SH3GL3: variants seen among roughly 807,000 people sequenced by gnomAD.
The protein encoded by SH3GL3 is endophilin-A3.
In SH3GL3, 33 loss-of-function variants were observed where a neutral mutation model predicts 47.7. The observed-to-expected ratio is 0.69, with a 90% confidence interval of 0.52 to 0.92. SH3GL3 has a LOEUF of 0.92. Ranked by LOEUF, SH3GL3 falls within the 40% of genes least tolerant of loss-of-function variation. The pLI, the probability that SH3GL3 is intolerant of heterozygous loss-of-function variation, is 0.00. For synonymous variants in SH3GL3, 155 were observed against 148.8 expected, an observed-to-expected ratio of 1.04 and a Z score of -0.30; for missense variants, 363 against 417.8, an observed-to-expected ratio of 0.87 and a Z score of 1.14.
At chr15:83,517,877 G>A (rs1230871717) in intron 1 of SH3GL3, among the ~76,000 whole-genome samples, 2 of 152,040 alleles carry the variant, frequency 1.3e-5, no homozygotes, top group African/African-American at 2.4e-5. Flanking sequence ...TCAAAAGTCA[G>A]TTTTTCACCC....
intron 1 of SH3GL3, among the ~76,000 whole-genome samples, chr15:83,449,714 CTTTTT>C (rs11361312): frequency 7.9e-6 from 1 of 125,920 alleles, no homozygotes; most frequent in African/African-American, 2.9e-5. Flanking sequence ...CTTATTTAGT[CTTTTT>C]TTTTTTTTTT....
intron 5 of SH3GL3, among the ~76,000 whole-genome samples, chr15:83,573,513 TA>T (rs1426603333): frequency 1.3e-5 from 2 of 152,228 alleles, no homozygotes; most frequent in African/African-American, 4.8e-5. Context: ...CTGTGTTTTA[TA>T]AAGTCCTCCA....
chr15:83,565,167 A>G lies in SH3GL3; in HGVS notation c.148A>G (p.Ile50Val), dbSNP rs1413358891. 6.3e-7 allele frequency: 1 copy of G among 1,580,730 alleles called. No individual in the cohort carries two copies. Among genetic ancestry groups the G allele is most frequent in the African/African-American group, 1.3e-5 (1 of 74,302 alleles). ...TGTTACCAATAAAGTTGTTGCAGAA[A>G]TTCTTTCAAAAACCACTGAATATCT... ...IDVTNKVVAE[I>V]LSKTTEYLQP... The change falls in exon 3 of 9, where the codon ATT becomes GTT. Residue 50 changes from isoleucine (I) to valine (V), a missense_variant. Transcript: ENST00000427482.
intron 1 of SH3GL3, among the ~76,000 whole-genome samples, chr15:83,482,377 A>G (rs1010953758): frequency 6.6e-6 from 1 of 151,954 alleles, no homozygotes; most frequent in Admixed American, 6.6e-5. Context: ...TACTTTTTAT[A>G]TATTCTGTTC....
At chr15:83,483,919 A>G (rs2041482040) in intron 1 of SH3GL3, among the ~76,000 whole-genome samples, 3 of 152,332 alleles carry the variant, frequency 2.0e-5, no homozygotes, top group Middle Eastern at 6.8e-3. Context: ...TGATCTAGAT[A>G]CTTCTCAGTT....
At chr15:83,480,422 A>G (rs2041296576) in intron 1 of SH3GL3, among the ~76,000 whole-genome samples, 2 of 152,366 alleles carry the variant, frequency 1.3e-5, no homozygotes, top group Middle Eastern at 3.4e-3. Flanking sequence ...AATTTCACAG[A>G]TGAGAAAACT....
chr15:83,448,890 A>T lies in SH3GL3; in HGVS notation c.45+1312A>T, dbSNP rs185606271. On this transcript the variant is annotated intron_variant, in intron 1 of 8. Coordinates refer to ENST00000427482, the MANE Select transcript of SH3GL3 (RefSeq NM_003027.5). The surrounding 1 kb of genome is among the most constrained non-coding windows in gnomAD (Gnocchi z 4.2). ...GTTAAGGAGCCCTGGAGGAGAGGCT[A>T]TTCAGGTGAGGGTGGAGATGATGGA... Among the ~76,000 whole-genome samples, 121 of 152,230 alleles carry T rather than the reference A, an allele frequency of 7.9e-4. 1 individual carries two copies. The highest frequency in any genetic ancestry group is 2.8e-3 in the African/African-American group (116 of 41,558).
chr15:83,447,614 A>G lies in SH3GL3; in HGVS notation c.45+36A>G. 5.0e-6 allele frequency: 7 copies of G among 1,408,310 alleles called. No homozygotes were observed. Among genetic ancestry groups the G allele is most frequent in the Admixed American group, 4.8e-5 (2 of 41,432 alleles). The allele number at this position is 1,408,310 out of a possible 1,614,324, so 87.2% of individuals were successfully genotyped here. On this transcript the variant is annotated intron_variant, in intron 1 of 8. Coordinates refer to ENST00000427482, the MANE Select transcript of SH3GL3 (RefSeq NM_003027.5). The surrounding 1 kb of genome is among the most constrained non-coding windows in gnomAD (Gnocchi z 5.1). ...GCAGAGGAGGGAAGGAGGGAGGGGG[A>G]CGCGGAGGCTGCGGCCCCCCGAGGC...
intron 2 of SH3GL3, among the ~76,000 whole-genome samples, chr15:83,559,747 A>G (rs1248600990): frequency 6.6e-6 from 1 of 152,218 alleles, no homozygotes; most frequent in Non-Finnish European, 1.5e-5. Flanking sequence ...CAGGAGCTGC[A>G]TAGCAAGTAA....
the SH3GL3 span, among the ~76,000 whole-genome samples, chr15:83,631,008 C>T: frequency 1.3e-5 from 2 of 152,146 alleles, no homozygotes; most frequent in African/African-American, 4.8e-5. Context: ...TTCCTAGTAA[C>T]TAACGGGTAT....
intron 8 of SH3GL3, among the ~76,000 whole-genome samples, chr15:83,597,544 C>T (rs1356764921): frequency 6.6e-6 from 1 of 151,718 alleles, no homozygotes; most frequent in Non-Finnish European, 1.5e-5. Context: ...TTTCATATTC[C>T]TCTGAGAATA....
At chr15:83,469,772 G>T (rs183531556) in intron 1 of SH3GL3, among the ~76,000 whole-genome samples, 57 of 152,232 alleles carry the variant, frequency 3.7e-4, no homozygotes, top group Middle Eastern at 6.8e-3. Flanking sequence ...ACATTAAAAC[G>T]ATGTGTATCT....
chr15:83,506,626 A>T (rs1259740552), intron 1 of SH3GL3, among the ~76,000 whole-genome samples: 2 of 152,120 alleles, frequency 1.3e-5, no homozygotes, highest in Admixed American at 1.3e-4. Context: ...TTTGTCTGTG[A>T]CTTGTTAGAA....
chr15:83,578,001 A>G (rs999590371), intron 6 of SH3GL3, among the ~76,000 whole-genome samples: 1 of 152,172 alleles, frequency 6.6e-6, no homozygotes, highest in Non-Finnish European at 1.5e-5. Context: ...GCATGACCCA[A>G]ATTTTTCAGC....
chr15:83,542,344 T>A (rs139969068), intron 1 of SH3GL3, among the ~76,000 whole-genome samples: 1 of 152,300 alleles, frequency 6.6e-6, no homozygotes, highest in Non-Finnish European at 1.5e-5. Flanking sequence ...CTGTTTTTTA[T>A]GTCAGTATCA....
chr15:83,563,896 C>T (rs1330796753), intron 2 of SH3GL3, among the ~76,000 whole-genome samples: 2 of 152,160 alleles, frequency 1.3e-5, no homozygotes, highest in Non-Finnish European at 2.9e-5. Context: ...CCTCAGCCTC[C>T]CAGAGTGCTG....
chr15:83,612,298 C>T (rs2060689922), intron 8 of SH3GL3, among the ~76,000 whole-genome samples: 1 of 152,190 alleles, frequency 6.6e-6, no homozygotes, highest in African/African-American at 2.4e-5. Flanking sequence ...GGTAGGGAGG[C>T]TCACTTCCAC....
chr15:83,579,713 C>T (rs1258155463), intron 6 of SH3GL3, among the ~76,000 whole-genome samples: 3 of 152,142 alleles, frequency 2.0e-5, no homozygotes, highest in Non-Finnish European at 4.4e-5. Flanking sequence ...GGTGCATGTG[C>T]GTTTACCTTT....
intron 1 of SH3GL3, among the ~76,000 whole-genome samples, chr15:83,553,172 A>G (rs566731048): frequency 1.8e-4 from 27 of 152,078 alleles, no homozygotes; most frequent in Non-Finnish European, 3.5e-4. Flanking sequence ...AGATCACACC[A>G]CTGTACTCCA....
Sources: gnomAD v4.1 joint callset for allele counts (sites outside exome capture counted in the v4.1 genomes callset) on GRCh38, gnomAD v4.1.1 for gene constraint, Gnocchi (gnomAD v3.1) non-coding constraint, MANE v1.5 for transcripts, NCBI Gene and HGNC (gene_info 2026-07-23, HGNC 2026-07-21) for gene names.